The following LARGE1 variants were observed in gnomAD, a reference collection of about 807,000 sequenced individuals.
LARGE1 encodes the protein LARGE xylosyl- and glucuronyltransferase 1.
A neutral mutation model predicts 87.6 loss-of-function variants in LARGE1; 43 were observed. The ratio of observed to expected loss-of-function variants is 0.49; its 90% CI spans 0.38 to 0.63. LARGE1 has a LOEUF of 0.63. Among genes scored for constraint, LARGE1 ranks in the 30% least tolerant of loss-of-function variants. The pLI is 0.00. For synonymous variants in LARGE1, 434 were observed against 394.6 expected (o/e 1.10, Z -1.18); for missense variants, 802 against 1,000.2 (o/e 0.80, Z 2.67).
intron 2 of LARGE1, among the ~76,000 whole-genome samples, chr22:33,758,468 C>T (rs2084604380): frequency 6.6e-6 from 1 of 152,178 alleles, no homozygotes; most frequent in Admixed American, 6.5e-5. Context: ...TGTTAACATG[C>T]CCACATCACC....
chr22:33,712,969 CCTGTGGCTAAT>C (rs2082782157), intron 2 of LARGE1, among the ~76,000 whole-genome samples: 1 of 152,064 alleles, frequency 6.6e-6, no homozygotes, highest in Non-Finnish European at 1.5e-5. Context: ...AATTGCCTAC[CCTGTGGCTAAT>C]CTGTTGTGTG....
chr22:33,686,709 TTCCTGGTC>T (rs2081955880), intron 2 of LARGE1, among the ~76,000 whole-genome samples: 1 of 152,192 alleles, frequency 6.6e-6, no homozygotes, highest in South Asian at 2.1e-4. Flanking sequence ...CGCCCTTCTC[TTCCTGGTC>T]TCCTGACTGC....
At chr22:33,652,606 T>G (rs2080853193) in intron 2 of LARGE1, among the ~76,000 whole-genome samples, 1 of 152,168 alleles carries the variant, frequency 6.6e-6, no homozygotes, top group Admixed American at 6.5e-5. Flanking sequence ...CTCTCTCAGC[T>G]GCCTGTCAAA....
chr22:33,419,509 C>A (rs2147551225), intron 7 of LARGE1, among the ~76,000 whole-genome samples: 1 of 152,232 alleles, frequency 6.6e-6, no homozygotes. Flanking sequence ...CAGCTCTCAG[C>A]ATGGCTGCCG....
intron 1 of LARGE1, among the ~76,000 whole-genome samples, chr22:33,868,397 A>G (rs887117440): frequency 6.6e-6 from 1 of 152,164 alleles, no homozygotes; most frequent in Non-Finnish European, 1.5e-5. Flanking sequence ...TCGAGACGAG[A>G]TGATGTCTAA....
chr22:33,249,029 GT>G (rs563007746), intron 11 of LARGE1, among the ~76,000 whole-genome samples: 1 of 152,176 alleles, frequency 6.6e-6, no homozygotes, highest in Non-Finnish European at 1.5e-5. Context: ...CCACATGTAG[GT>G]TTTCGTGTGG....
At chr22:33,654,191 C>T (rs1335170157) in intron 2 of LARGE1, among the ~76,000 whole-genome samples, 1 of 152,196 alleles carries the variant, frequency 6.6e-6, no homozygotes, top group Non-Finnish European at 1.5e-5. Context: ...TAATTAATGT[C>T]AGGTCTCAGA....
chr22:33,395,780 A>G (rs1344686447), intron 7 of LARGE1, among the ~76,000 whole-genome samples: 3 of 152,216 alleles, frequency 2.0e-5, no homozygotes, highest in Non-Finnish European at 4.4e-5. Flanking sequence ...CTCACAGTGT[A>G]TGATGTAGCA....
intron 1 of LARGE1, among the ~76,000 whole-genome samples, chr22:33,819,376 T>TTGTGACCAGAA (rs2086752881): frequency 1.3e-5 from 2 of 152,158 alleles, no homozygotes; most frequent in South Asian, 4.1e-4. Flanking sequence ...TCAGACCTTC[T>TTGTGACCAGAA]GGTCACAAGC....
intron 5 of LARGE1, among the ~76,000 whole-genome samples, chr22:33,584,111 T>G (rs1009311042): frequency 6.6e-6 from 1 of 152,190 alleles, no homozygotes; most frequent in Non-Finnish European, 1.5e-5. Context: ...GTGCATTTCT[T>G]TCCTTTCTAA....
intron 4 of LARGE1, among the ~76,000 whole-genome samples, chr22:33,624,486 G>A (rs1006777677): frequency 3.9e-5 from 6 of 152,156 alleles, no homozygotes; most frequent in African/African-American, 1.4e-4. Context: ...CTAAGAGGGA[G>A]TTTGCCAAGG....
the LARGE1 span, among the ~76,000 whole-genome samples, chr22:33,132,009 T>G: frequency 2.9e-4 from 44 of 151,348 alleles, no homozygotes; most frequent in African/African-American, 9.9e-4. Context: ...TAAGACTCAG[T>G]CACTATCACG....
intron 4 of LARGE1, among the ~76,000 whole-genome samples, chr22:33,614,596 A>G (rs2079530146): frequency 6.6e-6 from 1 of 152,058 alleles, no homozygotes; most frequent in Admixed American, 6.6e-5. Flanking sequence ...TCTGCCTGTG[A>G]CCAGCTCCTG....
intron 2 of LARGE1, among the ~76,000 whole-genome samples, chr22:33,707,769 C>T (rs192900211): frequency 3.3e-5 from 5 of 152,226 alleles, no homozygotes; most frequent in Admixed American, 6.5e-5. Flanking sequence ...CCACAGTCGA[C>T]CCACACACCC....
intron 1 of LARGE1, among the ~76,000 whole-genome samples, chr22:33,774,225 G>T (rs1242384759): frequency 1.3e-5 from 2 of 148,498 alleles, no homozygotes; most frequent in African/African-American, 4.9e-5. Flanking sequence ...ACCAGAAAAT[G>T]ATTCTCTCAT....
At position 33,444,529 on chromosome 22, in the gene LARGE1, C is replaced by T. The variant is rs560398774; in HGVS notation, c.788-12264G>A. Among the ~76,000 whole-genome samples the T allele has an allele frequency of 3.9e-5, 6 of 152,122 alleles. No homozygotes were observed. The South Asian group carries it at 8.3e-4, about 21-fold the overall frequency. Reference sequence around the variant, plus strand: ...TGGCGAAGTGGTCAGGAAACTTAAGCACAAAATCTCTTTCTATTCTTAAGC... The same window carrying T: ...TGGCGAAGTGGTCAGGAAACTTAAGTACAAAATCTCTTTCTATTCTTAAGC... On this transcript the variant is annotated intron_variant, in intron 6 of 14. Transcript: ENST00000397394.
intron 1 of LARGE1, among the ~76,000 whole-genome samples, chr22:33,816,931 A>G (rs2086671130): frequency 6.6e-6 from 1 of 152,074 alleles, no homozygotes; most frequent in African/African-American, 2.4e-5. Flanking sequence ...CACTCAAGTC[A>G]TTCTCCTCAA....
At chr22:33,494,851 C>G (rs1159971197) in intron 6 of LARGE1, among the ~76,000 whole-genome samples, 1 of 152,128 alleles carries the variant, frequency 6.6e-6, no homozygotes, top group Admixed American at 6.5e-5. Flanking sequence ...GAAAGATAAT[C>G]GGCTCTCTGG....
intron 1 of LARGE1, among the ~76,000 whole-genome samples, chr22:33,814,289 C>G (rs1180360242): frequency 6.6e-6 from 1 of 152,154 alleles, no homozygotes; most frequent in African/African-American, 2.4e-5. Flanking sequence ...ACATGTCAGG[C>G]AAGCAAATGA....
Sources: gnomAD v4.1 joint callset for allele counts (sites outside exome capture counted in the v4.1 genomes callset) on GRCh38, gnomAD v4.1.1 for gene constraint, MANE v1.5 for transcripts, NCBI Gene and HGNC (gene_info 2026-07-23, HGNC 2026-07-21) for gene names.